The following LRP1B variants were observed in gnomAD, a reference collection of about 807,000 sequenced individuals.
The protein encoded by LRP1B is low-density lipoprotein receptor-related protein 1B.
In LRP1B, 217 loss-of-function variants were observed where a neutral mutation model predicts 556.6. That is an observed-to-expected ratio of 0.39 (90% CI 0.35 to 0.44). The LOEUF is 0.44. Ranked by LOEUF, LRP1B falls within the 20% of genes least tolerant of loss-of-function variation. The probability of loss-of-function intolerance (pLI) is 1.00; values close to 1 mark genes in which losing one functional copy is unlikely to be tolerated. For synonymous variants in LRP1B, 2,047 were observed against 1,865.8 expected (o/e 1.10, Z -2.50); for missense variants, 5,053 against 5,620.8 (o/e 0.90, Z 3.23).
intron 41 of LRP1B, among the ~76,000 whole-genome samples, chr2:140,645,665 G>A (rs538987484): frequency 4.0e-4 from 58 of 145,834 alleles, no homozygotes; most frequent in Middle Eastern, 4.0e-3. Context: ...TCAGCCTCCC[G>A]AGTAGCTGGG....
At chr2:141,795,563 ACAGG>A (rs1231814924) in intron 2 of LRP1B, among the ~76,000 whole-genome samples, 4 of 152,030 alleles carry the variant, frequency 2.6e-5, no homozygotes, top group African/African-American at 9.6e-5. Flanking sequence ...ATAAATAATG[ACAGG>A]CAGTCAGTAC....
chr2:140,534,098 C>T lies in LRP1B; in HGVS notation c.7685G>A (p.Arg2562His), dbSNP rs774407084. The T allele has an allele frequency of 7.4e-6, 12 of 1,613,110 alleles. No individual in the cohort carries two copies. The highest frequency in any genetic ancestry group is 5.5e-5 in the South Asian group (5 of 91,032). Residue 2562 changes from arginine to histidine, a missense_variant, in exon 47 of 91, where the codon CGC becomes CAC. Coordinates refer to ENST00000389484, the MANE Select transcript of LRP1B (RefSeq NM_018557.3). The stretch of plus-strand genomic sequence containing the variant: ...TAACTTGCCATGAGGAATGCAGCGG[C>T]GATTATAGCATGGCTTGAAGCCTCT... ...CRRGFKPCYN[R>H]RCIPHGKLCD...
chr2:141,089,259 C>T (rs917023961), intron 7 of LRP1B, among the ~76,000 whole-genome samples: 1 of 152,276 alleles, frequency 6.6e-6, no homozygotes, highest in East Asian at 1.9e-4. Context: ...GATTTCAATT[C>T]TTCTCTCTCA....
intron 7 of LRP1B, among the ~76,000 whole-genome samples, chr2:141,091,028 G>A (rs1700159050): frequency 6.6e-6 from 1 of 152,196 alleles, no homozygotes; most frequent in Admixed American, 6.5e-5. Context: ...AATTATGTCT[G>A]GAGGACAGTA....
intron 3 of LRP1B, among the ~76,000 whole-genome samples, chr2:141,354,902 G>A (rs1458443455): frequency 6.6e-6 from 1 of 151,996 alleles, no homozygotes; most frequent in Non-Finnish European, 1.5e-5. Context: ...AAATTAAATT[G>A]GCAGAGTCTA....
intron 7 of LRP1B, among the ~76,000 whole-genome samples, chr2:141,161,787 G>T (rs1680044568): frequency 6.6e-6 from 1 of 152,076 alleles, no homozygotes; most frequent in Non-Finnish European, 1.5e-5. Flanking sequence ...AACTCAGGAT[G>T]CTCAGCTATG....
At chr2:141,532,458 G>C (rs1684919025) in intron 2 of LRP1B, among the ~76,000 whole-genome samples, 1 of 151,728 alleles carries the variant, frequency 6.6e-6, no homozygotes, top group South Asian at 2.1e-4. Flanking sequence ...TATTATCTCT[G>C]AGTTAGAAGT....
chr2:141,016,020 T>C, intron 12 of LRP1B, 105 bp from the exon 13 acceptor site: 1 of 815,918 alleles, frequency 1.2e-6, no homozygotes, highest in South Asian at 1.5e-5. Flanking sequence ...AGTTTCATTC[T>C]GATTTGTCCT....
intron 5 of LRP1B, among the ~76,000 whole-genome samples, chr2:141,236,484 C>A (rs1280010394): frequency 6.6e-6 from 1 of 152,086 alleles, no homozygotes; most frequent in Non-Finnish European, 1.5e-5. Context: ...AGATGTTAGA[C>A]AAAGTATGCA....
Position 141,137,431 on chromosome 2 carries a change from A to G in LRP1B, c.1013+50990T>C, listed in dbSNP as rs567323157. 3.9e-5 allele frequency among the ~76,000 whole-genome samples: 6 copies of G among 152,082 alleles called. No individual in the cohort carries two copies. In the South Asian group the frequency reaches 1.2e-3, roughly 31 times the overall value. On this transcript the variant is annotated intron_variant, in intron 7 of 90. Coordinates refer to ENST00000389484, the MANE Select transcript of LRP1B (RefSeq NM_018557.3). The stretch of plus-strand genomic sequence containing the variant: ...TAAGATTCAAAGCTGTGCTTCTTGC[A>G]GGCGAGATGTAAAGGTTTCCAGGAA...
rs570851793 is a variant in LRP1B, at chr2:141,082,421, A to G, written c.1014-20148T>C. On this transcript the variant is annotated intron_variant, in intron 7 of 90. Coordinates refer to ENST00000389484, the MANE Select transcript of LRP1B (RefSeq NM_018557.3). ...TCCACACAGGTGATCTCATCTTACT[A>G]TCTTTATTCTACCTGGTTTGTGAAG... Among the ~76,000 whole-genome samples, 74 of 152,334 alleles carry G rather than the reference A, an allele frequency of 4.9e-4. No individual in the cohort carries two copies. In the South Asian group the frequency reaches 0.014, roughly 29 times the overall value.
At chr2:141,402,283 T>C (rs886832645) in intron 3 of LRP1B, among the ~76,000 whole-genome samples, 4 of 152,098 alleles carry the variant, frequency 2.6e-5, no homozygotes, top group Non-Finnish European at 1.5e-5. Flanking sequence ...TTTACTAATA[T>C]TAGAATGATC....
intron 77 of LRP1B, among the ~76,000 whole-genome samples, chr2:140,341,523 TATAATA>T (rs1454522372): frequency 6.6e-6 from 1 of 151,522 alleles, no homozygotes; most frequent in African/African-American, 2.4e-5. Context: ...TGATAATAAG[TATAATA>T]ATAATATAAG....
At chr2:140,702,014 T>C in intron 39 of LRP1B, 127 bp downstream of exon 39, 1 of 1,320,310 alleles carries the variant, frequency 7.6e-7, no homozygotes, top group Non-Finnish European at 1.0e-6. Context: ...GCCTTTTCTG[T>C]GGAAATTACT....
At chr2:141,645,469 C>CT (rs750147915) in intron 2 of LRP1B, among the ~76,000 whole-genome samples, 5,579 of 48,210 alleles carry the variant, frequency 0.12, 364 homozygotes, top group African/African-American at 0.23. Flanking sequence ...GAAGACAAGG[C>CT]TTTTTTTTTT....
chr2:141,968,189 C>T (rs775065934), intron 1 of LRP1B, among the ~76,000 whole-genome samples: 5 of 151,716 alleles, frequency 3.3e-5, no homozygotes, highest in African/African-American at 4.8e-5. Context: ...AATGTACAAC[C>T]GTTTTGACTT....
chr2:141,995,380 C>T (rs1339590299), intron 1 of LRP1B, among the ~76,000 whole-genome samples: 1 of 152,164 alleles, frequency 6.6e-6, no homozygotes, highest in Non-Finnish European at 1.5e-5. Flanking sequence ...CTGAATATCA[C>T]TCTTACCCCT....
chr2:141,813,937 G>C (rs1020904039), intron 1 of LRP1B, among the ~76,000 whole-genome samples: 1 of 152,152 alleles, frequency 6.6e-6, no homozygotes, highest in African/African-American at 2.4e-5. Flanking sequence ...CTGAGAATGA[G>C]GAGGAGTGGG....
chr2:141,481,043 T>G (rs1682901743), intron 2 of LRP1B, among the ~76,000 whole-genome samples: 1 of 152,200 alleles, frequency 6.6e-6, no homozygotes, highest in Non-Finnish European at 1.5e-5. Flanking sequence ...TGAAGAACAT[T>G]TAGTTATAAA....
Sources: allele counts gnomAD v4.1 joint callset (sites outside exome capture counted in the v4.1 genomes callset), GRCh38; gene constraint gnomAD v4.1.1; transcripts MANE v1.5; gene names NCBI Gene and HGNC (gene_info 2026-07-23, HGNC 2026-07-21).